The following AFF2 variants were observed in gnomAD, a reference collection of about 807,000 sequenced individuals.
AFF2 encodes ALF transcription elongation factor 2.
In AFF2, 14 loss-of-function variants were observed where a neutral mutation model predicts 76.9. The observed-to-expected ratio is 0.18, with a 90% CI of 0.12 to 0.28. The LOEUF (loss-of-function observed/expected upper bound fraction) is 0.28, where lower values mean the gene tolerates loss of function less well. AFF2 is among the 10% of genes least tolerant of loss of function. The pLI is 1.00. For synonymous variants in AFF2, 398 were observed against 366.7 expected, an observed-to-expected ratio of 1.09 and a Z score of -0.98; for missense variants, 868 against 1,001.1, an observed-to-expected ratio of 0.87 and a Z score of 1.79.
intron 3 of AFF2, among the ~76,000 whole-genome samples, chrX:148,727,778 C>T (rs2055177566): frequency 8.9e-6 from 1 of 112,205 alleles, no homozygotes; most frequent in African/African-American, 3.2e-5. Context: ...CATCTTGCTT[C>T]AGCATGGAAA....
chrX:148,635,847 C>CG (rs1351581686), intron 1 of AFF2, among the ~76,000 whole-genome samples: 1 of 109,041 alleles, frequency 9.2e-6, no homozygotes, highest in African/African-American at 3.4e-5. Context: ...CATTGAGGAG[C>CG]GGGGGGCAGA....
intron 3 of AFF2, among the ~76,000 whole-genome samples, chrX:148,784,453 G>A (rs1204794987): frequency 3.6e-5 from 4 of 111,704 alleles, no homozygotes; most frequent in African/African-American, 1.3e-4. Context: ...CTCTGGAGTC[G>A]GAAAGGCCAA....
intron 3 of AFF2, among the ~76,000 whole-genome samples, chrX:148,792,471 A>T (rs888635338): frequency 1.8e-5 from 2 of 112,751 alleles, no homozygotes; most frequent in African/African-American, 6.4e-5. Flanking sequence ...TAAAAATAAT[A>T]TATAACCATT....
intron 3 of AFF2, among the ~76,000 whole-genome samples, chrX:148,664,478 T>C (rs782704556): frequency 2.7e-5 from 3 of 111,400 alleles, no homozygotes; most frequent in Non-Finnish European, 3.8e-5. Context: ...GTCTGGTCAG[T>C]TGTCACCTTC....
chrX:148,834,793 G>T (rs1557273619), intron 4 of AFF2, among the ~76,000 whole-genome samples: 1 of 111,677 alleles, frequency 9.0e-6, no homozygotes, highest in African/African-American at 3.3e-5. Context: ...TGGAATATCT[G>T]CTGTGAGTGT....
chrX:148,857,822 T>A (rs781815007), intron 7 of AFF2, among the ~76,000 whole-genome samples: 14 of 111,557 alleles, frequency 1.3e-4, no homozygotes, highest in Non-Finnish European at 2.6e-4. Context: ...TCCTAAGCTT[T>A]CAACCCTCCA....
intron 3 of AFF2, among the ~76,000 whole-genome samples, chrX:148,729,702 G>C (rs782759703): frequency 8.9e-6 from 1 of 111,774 alleles, no homozygotes; most frequent in East Asian, 2.9e-4. Flanking sequence ...GTTTGAAAGG[G>C]GCATTAAAAC....
At position 148,999,614 on chromosome X, in the gene AFF2, G is replaced by A. The variant is rs999659247; in HGVS notation, c.*8282G>A. 3 of 102,514 alleles carry A rather than the reference G, an allele frequency of 2.9e-5. No homozygotes were observed. Among genetic ancestry groups the A allele is most frequent in the Admixed American group, 9.9e-5 (1 of 10,141 alleles). The allele number at this position is 102,514 out of a possible 1,213,427, so 8.4% of individuals were successfully genotyped here. ...TGTGTGTGTGTGTGCGCGCACACAC[G>A]TGCGTGTGTGTGTCCCTGCATGTGC... is the stretch of plus-strand genomic sequence containing the variant. On this transcript the variant is annotated 3_prime_UTR_variant, in exon 21 of 21. Transcript: ENST00000370460.
chrX:148,551,510 G>GAAGA (rs1182495088), intron 1 of AFF2, among the ~76,000 whole-genome samples: 2 of 63,527 alleles, frequency 3.1e-5, no homozygotes, highest in African/African-American at 6.1e-5. Context: ...AAAAAAAAAA[G>GAAGA]AAGAAAGAAA....
At chrX:148,596,888 T>A (rs1557247389) in intron 1 of AFF2, among the ~76,000 whole-genome samples, 1 of 111,923 alleles carries the variant, frequency 8.9e-6, no homozygotes, top group African/African-American at 3.3e-5. Flanking sequence ...ATGTGATATA[T>A]CTTTTGACAA....
intron 1 of AFF2, among the ~76,000 whole-genome samples, chrX:148,629,701 C>A (rs995246640): frequency 8.9e-6 from 1 of 111,831 alleles, no homozygotes; most frequent in Non-Finnish European, 1.9e-5. Flanking sequence ...TGAACACTGA[C>A]ATGCTTCCTC....
At chrX:148,863,583 T>C (rs1557276617) in intron 7 of AFF2, among the ~76,000 whole-genome samples, 2 of 112,070 alleles carry the variant, frequency 1.8e-5, no homozygotes, top group Non-Finnish European at 3.8e-5. Context: ...TTCAAGGGCA[T>C]TTAAAGGAAT....
intron 1 of AFF2, among the ~76,000 whole-genome samples, chrX:148,626,748 C>T (rs1188755602): frequency 9.0e-6 from 1 of 111,203 alleles, no homozygotes; most frequent in Non-Finnish European, 1.9e-5. Flanking sequence ...TCCAATCTCC[C>T]TCTCCTTTCT....
chrX:148,813,678 G>A (rs190807181), intron 4 of AFF2, among the ~76,000 whole-genome samples: 10 of 111,920 alleles, frequency 8.9e-5, no homozygotes, highest in Non-Finnish European at 1.9e-4. Flanking sequence ...TCTGACAAGA[G>A]TCATACTATC....
intron 1 of AFF2, among the ~76,000 whole-genome samples, chrX:148,640,607 G>A (rs782623604): frequency 8.9e-6 from 1 of 112,261 alleles, no homozygotes; most frequent in South Asian, 3.7e-4. Flanking sequence ...TAATCATATC[G>A]AGAGACAACG....
chrX:148,742,579 C>A (rs1247380388), intron 3 of AFF2, among the ~76,000 whole-genome samples: 1 of 94,669 alleles, frequency 1.1e-5, no homozygotes, highest in Non-Finnish European at 2.1e-5. Flanking sequence ...GAGTCAGAAT[C>A]CATTGAACTT....
At chrX:148,855,647 A>G (rs2070778732) in intron 7 of AFF2, among the ~76,000 whole-genome samples, 1 of 112,143 alleles carries the variant, frequency 8.9e-6, no homozygotes, top group Admixed American at 9.4e-5. Flanking sequence ...ATGTGTGCAT[A>G]TGTGTGCTCA....
Position 148,662,625 on chromosome X carries a change from G to T in AFF2, c.898G>T (p.Asp300Tyr), listed in dbSNP as rs1372445529. 3 of 1,211,673 alleles carry T rather than the reference G, an allele frequency of 2.5e-6. No homozygotes were observed. Among genetic ancestry groups the T allele is most frequent in the Non-Finnish European group, 3.3e-6 (3 of 895,552 alleles). Reference sequence around the variant, plus strand: ...CATGGATGGCCAGGACCAGGCACCGGACATCTCACCAACACTGAAACCTTC... The same window carrying T: ...CATGGATGGCCAGGACCAGGCACCGTACATCTCACCAACACTGAAACCTTC... ...RPMDGQDQAP[D>Y]ISPTLKPSIE... The change falls in exon 3 of 21, where the codon GAC becomes TAC. Residue 300 changes from aspartate (D) to tyrosine (Y), a missense_variant. Coordinates refer to ENST00000370460, the MANE Select transcript of AFF2 (RefSeq NM_002025.4).
intron 3 of AFF2, among the ~76,000 whole-genome samples, chrX:148,678,242 G>A (rs1183823656): frequency 2.7e-5 from 3 of 111,647 alleles, no homozygotes; most frequent in Non-Finnish European, 5.7e-5. Context: ...CTCACCAAAT[G>A]CCTCACCTTG....
Sources: gnomAD v4.1 joint callset for allele counts (sites outside exome capture counted in the v4.1 genomes callset) on GRCh38, gnomAD v4.1.1 for gene constraint, MANE v1.5 for transcripts, NCBI Gene and HGNC (gene_info 2026-07-23, HGNC 2026-07-21) for gene names.